The following MED30 variants were observed in gnomAD, a reference collection of about 807,000 sequenced individuals.
The protein encoded by MED30 is mediator of RNA polymerase II transcription subunit 30.
MED30 carries 8 observed loss-of-function variants against 21.7 expected under a neutral mutation model. That is an observed-to-expected ratio of 0.37 (90% CI 0.22 to 0.67). The LOEUF (loss-of-function observed/expected upper bound fraction) is 0.67, where lower values mean the gene tolerates loss of function less well. Among genes scored for constraint, MED30 ranks in the 30% least tolerant of loss-of-function variants. The probability of loss-of-function intolerance (pLI) is 0.58; values close to 1 mark genes in which losing one functional copy is unlikely to be tolerated. For missense variants in MED30, 203 were observed against 228.2 expected, an observed-to-expected ratio of 0.89 and a Z score of 0.71; for synonymous variants, 79 against 86.7, an observed-to-expected ratio of 0.91 and a Z score of 0.49.
At chr8:117,528,010 AATAT>A (rs1818743785) in intron 1 of MED30, among the ~76,000 whole-genome samples, 1 of 151,890 alleles carries the variant, frequency 6.6e-6, no homozygotes, top group Non-Finnish European at 1.5e-5. Flanking sequence ...CTGAATTAAA[AATAT>A]ATCCATATCT....
At chr8:117,534,697 T>G (rs1818841868) in intron 3 of MED30, among the ~76,000 whole-genome samples, 1 of 152,164 alleles carries the variant, frequency 6.6e-6, no homozygotes, top group Non-Finnish European at 1.5e-5. Context: ...TCTCTTTGTA[T>G]GAATTCTTCT....
chr8:117,539,172 A>G (rs1818935089), intron 3 of MED30, among the ~76,000 whole-genome samples: 1 of 152,348 alleles, frequency 6.6e-6, no homozygotes. Flanking sequence ...GGGAGGTTAA[A>G]TAATTAGGTC....
intron 1 of MED30, among the ~76,000 whole-genome samples, chr8:117,522,792 A>T (rs1055034298): frequency 6.6e-6 from 1 of 152,204 alleles, no homozygotes; most frequent in African/African-American, 2.4e-5. Flanking sequence ...AAATGAATAG[A>T]TTCATATCTA....
chr8:117,532,452 G>C (rs1236436742), intron 3 of MED30, among the ~76,000 whole-genome samples: 1 of 151,978 alleles, frequency 6.6e-6, no homozygotes. Context: ...AGGCAGATTA[G>C]TAAAATAATC....
intron 1 of MED30, among the ~76,000 whole-genome samples, chr8:117,527,976 ACTTTT>A (rs1367172086): frequency 6.6e-5 from 10 of 151,880 alleles, no homozygotes; most frequent in Non-Finnish European, 1.0e-4. Context: ...TTCAATATAT[ACTTTT>A]CTTCTTTTGA....
chr8:117,529,939 T>C (rs1818771207), intron 2 of MED30, among the ~76,000 whole-genome samples: 2 of 151,936 alleles, frequency 1.3e-5, no homozygotes, highest in Non-Finnish European at 2.9e-5. Context: ...TGGGTGAGTT[T>C]ATATATATCC....
chr8:117,529,282 C>T (rs1218979982), intron 2 of MED30, among the ~76,000 whole-genome samples: 1 of 151,516 alleles, frequency 6.6e-6, no homozygotes, highest in Admixed American at 6.6e-5. Flanking sequence ...TGGGTCATAC[C>T]TATTTAGTTA....
intron 3 of MED30, among the ~76,000 whole-genome samples, chr8:117,537,280 T>A (rs1818894747): frequency 6.6e-6 from 1 of 152,238 alleles, no homozygotes; most frequent in East Asian, 1.9e-4. Context: ...TGTACAAAAT[T>A]GGGCACAGCT....
chr8:117,528,845 G>A, intron 2 of MED30, 36 bp downstream of exon 2: 1 of 1,453,480 alleles, frequency 6.9e-7, no homozygotes, highest in Non-Finnish European at 9.3e-7. Flanking sequence ...TGAATATAAG[G>A]TGTGAACTAG....
Position 117,523,138 on chromosome 8 carries a change from T to C in MED30, c.177+2085T>C. On this transcript the variant is annotated intron_variant, in intron 1 of 3. Coordinates refer to ENST00000297347, the MANE Select transcript of MED30 (RefSeq NM_080651.4). ...ATGTTCTACGCAGAACTAAACTTTT[T>C]CAAAAAAAGTATTTTATCAATAACT... The C allele has an allele frequency of 5.0e-6, 3 of 600,214 alleles. No individual in the cohort carries two copies. In the South Asian group the frequency reaches 5.8e-5, roughly 12 times the overall value. The allele number at this position is 600,214 out of a possible 1,614,324, so 37.2% of individuals were successfully genotyped here.
intron 1 of MED30, among the ~76,000 whole-genome samples, chr8:117,527,006 A>G (rs115136876): frequency 0.011 from 1,612 of 152,102 alleles, 34 homozygotes; most frequent in African/African-American, 0.037. Flanking sequence ...AGCCTTCTGT[A>G]TGTGTGCACT....
At chr8:117,522,998 T>C (rs7819056) in intron 1 of MED30, among the ~76,000 whole-genome samples, 83,747 of 151,880 alleles carry the variant, frequency 0.55, 23,432 homozygotes, top group Middle Eastern at 0.6. Context: ...TGAGGCTTAA[T>C]GAGAGAAAAA....
At chr8:117,532,941 T>G (rs1818811134) in intron 3 of MED30, among the ~76,000 whole-genome samples, 2 of 152,030 alleles carry the variant, frequency 1.3e-5, no homozygotes, top group South Asian at 4.1e-4. Context: ...TTGATAAATA[T>G]GTATTACCTC....
At chr8:117,527,932 A>T (rs1818742846) in intron 1 of MED30, among the ~76,000 whole-genome samples, 1 of 151,928 alleles carries the variant, frequency 6.6e-6, no homozygotes, top group African/African-American at 2.4e-5. Flanking sequence ...TTCTAAATAA[A>T]TAGTCGATTT....
intron 3 of MED30, among the ~76,000 whole-genome samples, chr8:117,539,066 A>G (rs6987041): frequency 0.25 from 38,585 of 152,174 alleles, 5,274 homozygotes; most frequent in Middle Eastern, 0.37. Context: ...CAATTCTAAT[A>G]CTTGACATGA....
chr8:117,526,140 TTTTG>T (rs1311328163), intron 1 of MED30, among the ~76,000 whole-genome samples: 1 of 152,084 alleles, frequency 6.6e-6, no homozygotes, highest in Non-Finnish European at 1.5e-5. Flanking sequence ...TTTCCCATGT[TTTTG>T]TTTGTGTTAT....
At chr8:117,537,910 T>C (rs1818908688) in intron 3 of MED30, among the ~76,000 whole-genome samples, 1 of 152,222 alleles carries the variant, frequency 6.6e-6, no homozygotes, top group Non-Finnish European at 1.5e-5. Flanking sequence ...AGAAGGAATT[T>C]ATCTAAGATC....
intron 1 of MED30, chr8:117,523,145 AAG>A (rs1346812525): frequency 4.9e-6 from 3 of 611,808 alleles, no homozygotes; most frequent in Non-Finnish European, 8.6e-6. Flanking sequence ...TTTTCAAAAA[AAG>A]TATTTTATCA....
chr8:117,527,342 T>G (rs2130812081), intron 1 of MED30, among the ~76,000 whole-genome samples: 1 of 152,088 alleles, frequency 6.6e-6, no homozygotes, highest in East Asian at 1.9e-4. Flanking sequence ...ATCACATTGC[T>G]TTGAGGCATT....
Sources: allele counts gnomAD v4.1 joint callset (sites outside exome capture counted in the v4.1 genomes callset), GRCh38; gene constraint gnomAD v4.1.1; transcripts MANE v1.5; gene names NCBI Gene and HGNC (gene_info 2026-07-23, HGNC 2026-07-21).